The following AIM2 variants were observed in gnomAD, a reference collection of about 807,000 sequenced individuals.
AIM2 encodes the protein interferon-inducible protein AIM2.
Under a neutral mutation model 27.7 loss-of-function variants are expected in AIM2, and 30 were observed. The observed-to-expected ratio is 1.08, with a 90% confidence interval of 0.81 to 1.47. AIM2 has a LOEUF of 1.47. Ranked by LOEUF, AIM2 falls within the 40% of genes most tolerant of loss-of-function variation. The probability of loss-of-function intolerance (pLI) is 0.00; values close to 1 mark genes in which losing one functional copy is unlikely to be tolerated. For synonymous variants in AIM2, 141 were observed against 145.3 expected, an observed-to-expected ratio of 0.97 and a Z score of 0.21; for missense variants, 358 against 411.3, an observed-to-expected ratio of 0.87 and a Z score of 1.12.
intron 4 of AIM2, among the ~76,000 whole-genome samples, chr1:159,064,831 T>C (rs924816247): frequency 1.3e-5 from 2 of 151,954 alleles, no homozygotes; most frequent in African/African-American, 4.8e-5. Context: ...CAGCCAAGAG[T>C]CTAGTAAGTA....
chr1:159,059,475 A>G (rs1655763665), downstream of AIM2, among the ~76,000 whole-genome samples: 1 of 152,246 alleles, frequency 6.6e-6, no homozygotes, highest in Admixed American at 6.5e-5. Flanking sequence ...TTAGGAACAG[A>G]TGCCATACTA....
chr1:159,086,359 A>G (rs570871029), intron 1 of AIM2, among the ~76,000 whole-genome samples: 2 of 152,304 alleles, frequency 1.3e-5, no homozygotes, highest in South Asian at 4.1e-4. Context: ...CCTCATAAAC[A>G]TGGATGCTTT....
At chr1:159,069,208 C>T (rs1458681310) in intron 2 of AIM2, among the ~76,000 whole-genome samples, 1 of 151,612 alleles carries the variant, frequency 6.6e-6, no homozygotes, top group Non-Finnish European at 1.5e-5. Flanking sequence ...TGGTATAACA[C>T]TTTGGAAAAT....
intron 1 of AIM2, among the ~76,000 whole-genome samples, chr1:159,136,284 G>T (rs912541129): frequency 6.6e-6 from 1 of 152,064 alleles, no homozygotes; most frequent in African/African-American, 2.4e-5. Flanking sequence ...CAATCTGAAG[G>T]TTTAGAAAGA....
chr1:159,094,282 A>G (rs1252118032), intron 1 of AIM2, among the ~76,000 whole-genome samples: 1 of 152,212 alleles, frequency 6.6e-6, no homozygotes, highest in South Asian at 2.1e-4. Context: ...CTACTTGTGC[A>G]CCAACCTAAT....
At chr1:159,064,724 C>T (rs1006644351) in intron 4 of AIM2, among the ~76,000 whole-genome samples, 1 of 152,176 alleles carries the variant, frequency 6.6e-6, no homozygotes, top group South Asian at 2.1e-4. Context: ...CTTGGCCTCC[C>T]AAAGTGCTAG....
At chr1:159,072,869 G>A (rs1486880735) in intron 2 of AIM2, among the ~76,000 whole-genome samples, 1 of 152,206 alleles carries the variant, frequency 6.6e-6, no homozygotes, top group African/African-American at 2.4e-5. Flanking sequence ...CAAGACTTCA[G>A]TAGAATGTGA....
chr1:159,145,361 A>T (rs1350934385), upstream of AIM2, among the ~76,000 whole-genome samples: 1 of 152,180 alleles, frequency 6.6e-6, no homozygotes, highest in Non-Finnish European at 1.5e-5. Context: ...CATCATAATA[A>T]AGCATTTATG....
chr1:159,083,902 T>C (rs1215432103), intron 1 of AIM2, among the ~76,000 whole-genome samples: 3 of 152,206 alleles, frequency 2.0e-5, no homozygotes, highest in Non-Finnish European at 4.4e-5. Flanking sequence ...ATAGTCAATA[T>C]TTATGGACCA....
In AIM2 at chr1:159,100,822, A is replaced by G. The variant is rs149411353; in HGVS notation, c.-15-34493T>C. Among the ~76,000 whole-genome samples the G allele has an allele frequency of 2.5e-3, 382 of 152,334 alleles. 3 individuals carry two copies. The highest frequency in any genetic ancestry group is 8.5e-3 in the African/African-American group (352 of 41,586). Reference sequence around the variant, plus strand: ...TCAGCAGGCTAGTCATATCTGCTCTATGTCCTTCTGGGGAAGTTCAAGTGA... The same window carrying G: ...TCAGCAGGCTAGTCATATCTGCTCTGTGTCCTTCTGGGGAAGTTCAAGTGA... On this transcript the variant is annotated intron_variant, in intron 1 of 2. Transcript: ENST00000368129.
intron 2 of AIM2, among the ~76,000 whole-genome samples, chr1:159,069,546 CT>C (rs760527368): frequency 0.014 from 2,017 of 141,864 alleles, 41 homozygotes; most frequent in African/African-American, 0.044. Context: ...TGATTTCTTT[CT>C]TTTTTTTTTT....
In AIM2 at chr1:159,115,439, C is replaced by G. The variant is rs1280436090; in HGVS notation, c.-16+24992G>C. On this transcript the variant is annotated intron_variant, in intron 1 of 2. Transcript: ENST00000368129. ...CGCTACCTGACTTCAAACTATACTA[C>G]AAGGCTATGGTAACCAAAACAGCAT... Among the ~76,000 whole-genome samples the G allele has an allele frequency of 2.0e-5, 3 of 152,128 alleles. No individual in the cohort carries two copies. The East Asian group carries it at 5.8e-4, about 29-fold the overall frequency.
intron 2 of AIM2, among the ~76,000 whole-genome samples, chr1:159,071,666 T>C (rs761576953): frequency 6.6e-6 from 1 of 152,196 alleles, no homozygotes; most frequent in Non-Finnish European, 1.5e-5. Context: ...CCCGCCACCA[T>C]GCCTGGCTAA....
chr1:159,130,826 A>G (rs1010240050), intron 1 of AIM2, among the ~76,000 whole-genome samples: 42 of 151,606 alleles, frequency 2.8e-4, no homozygotes, highest in African/African-American at 1.0e-3. Context: ...ACACACACAC[A>G]CACACACACA....
At chr1:159,126,384 A>G (rs1647686183) in intron 1 of AIM2, among the ~76,000 whole-genome samples, 1 of 152,162 alleles carries the variant, frequency 6.6e-6, no homozygotes, top group African/African-American at 2.4e-5. Flanking sequence ...ACGGTGGTTC[A>G]CGCCTGTAAT....
At chr1:159,137,579 C>T (rs941583455) in intron 1 of AIM2, among the ~76,000 whole-genome samples, 1 of 152,184 alleles carries the variant, frequency 6.6e-6, no homozygotes, top group African/African-American at 2.4e-5. Flanking sequence ...ATGGCTTGAA[C>T]CCAGGAGGTG....
rs571469064 is a variant in AIM2, at chr1:159,083,873, T to G, written c.-15-17544A>C. Among the ~76,000 whole-genome samples the G allele has an allele frequency of 9.8e-5, 15 of 152,334 alleles. No individual in the cohort carries two copies. In the South Asian group the frequency reaches 3.1e-3, roughly 32 times the overall value. ...CATGTGGAAATACAAAAAGTGGAAT[T>G]CTAGGCCAATGGAATTGAATAGTCA... On this transcript the variant is annotated intron_variant, in intron 1 of 2. Transcript: ENST00000368129.
At chr1:159,137,528 G>A (rs947876935) in intron 1 of AIM2, among the ~76,000 whole-genome samples, 2 of 152,084 alleles carry the variant, frequency 1.3e-5, no homozygotes, top group African/African-American at 2.4e-5. Context: ...ATGTTGGTGC[G>A]CGTCTGTACT....
At chr1:159,125,453 G>A (rs556105494) in intron 1 of AIM2, among the ~76,000 whole-genome samples, 1 of 152,160 alleles carries the variant, frequency 6.6e-6, no homozygotes, top group Admixed American at 6.5e-5. Context: ...TACGTGAACT[G>A]TTATATTTTA....
Sources: gnomAD v4.1 joint callset for allele counts (sites outside exome capture counted in the v4.1 genomes callset) on GRCh38, gnomAD v4.1.1 for gene constraint, MANE v1.5 for transcripts, NCBI Gene and HGNC (gene_info 2026-07-23, HGNC 2026-07-21) for gene names.